Variants in FAT3 observed in about 807,000 individuals in gnomAD.
FAT3 encodes the protein FAT atypical cadherin 3.
A neutral mutation model predicts 310.2 loss-of-function variants in FAT3; 95 were observed. The ratio of observed to expected loss-of-function variants is 0.31; its 90% confidence interval spans 0.26 to 0.36. The LOEUF (loss-of-function observed/expected upper bound fraction) is 0.36. Ranked by LOEUF, FAT3 falls within the 10% of genes least tolerant of loss-of-function variation. FAT3 has a pLI of 1.00. For missense variants in FAT3, 5,408 were observed against 5,715.6 expected, an observed-to-expected ratio of 0.95 and a Z score of 1.74; for synonymous variants, 2,314 against 2,192.9, an observed-to-expected ratio of 1.06 and a Z score of -1.54.
intron 3 of FAT3, among the ~76,000 whole-genome samples, chr11:92,630,888 T>G (rs1026997608): frequency 3.9e-5 from 6 of 152,170 alleles, no homozygotes; most frequent in Non-Finnish European, 7.3e-5. Flanking sequence ...GCATTCATGG[T>G]AGGTGATCAA....
chr11:92,762,204 T>TG (rs754994808), intron 5 of FAT3, 34 bp downstream of exon 5: 1 of 1,563,578 alleles, frequency 6.4e-7, no homozygotes, highest in Non-Finnish European at 8.7e-7. Context: ...GCACAGCAGA[T>TG]GGGGGGAAGT....
At chr11:92,818,686 G>A (rs1047702503) in intron 13 of FAT3, among the ~76,000 whole-genome samples, 16 of 152,138 alleles carry the variant, frequency 1.1e-4, no homozygotes, top group Admixed American at 2.0e-4. Flanking sequence ...CAGCTTCTCC[G>A]AGCCTTTAGT....
intron 2 of FAT3, among the ~76,000 whole-genome samples, chr11:92,403,759 G>T (rs902117196): frequency 1.3e-5 from 2 of 152,108 alleles, no homozygotes; most frequent in Non-Finnish European, 2.9e-5. Context: ...TATGGGGGCC[G>T]GGTGCAGTGG....
chr11:92,342,076 C>CT (rs1171647827), intron 1 of FAT3, among the ~76,000 whole-genome samples: 1 of 152,160 alleles, frequency 6.6e-6, no homozygotes, highest in African/African-American at 2.4e-5. Flanking sequence ...AAACCACCTG[C>CT]TTGAGCCTGT....
At chr11:92,838,491 C>A (rs991254266) in intron 17 of FAT3, among the ~76,000 whole-genome samples, 2 of 152,138 alleles carry the variant, frequency 1.3e-5, no homozygotes, top group Non-Finnish European at 2.9e-5. Context: ...TACTGAGCGT[C>A]CTCTACTTCT....
Position 92,831,767 on chromosome 11 carries a change from C to A in FAT3, c.9627C>A (p.Asp3209Glu). Reference protein sequence around the residue: ...SSYNISVRATDQSPGQSLSSL... With the variant: ...SSYNISVRATEQSPGQSLSSL... ...ACAACATCAGCGTGCGGGCCACTGA[C>A]CAGAGTCCTGGACAGTCCCTGTCCT... is the stretch of plus-strand genomic sequence containing the variant. The change falls in exon 14 of 28, where the codon GAC (aspartate) becomes GAA (glutamate). Residue 3209 changes from aspartate to glutamate, a missense_variant. Physicochemically the swap from Asp to Glu is conservative, Grantham distance 45 (BLOSUM62 2). This residue lies in a region of FAT3 where 4,588 missense variants were observed against 4,809.8 expected (regional missense o/e 0.95). Transcript: ENST00000525166. The A allele has an allele frequency of 6.2e-7, 1 of 1,613,620 alleles. No homozygotes were observed. The highest frequency in any genetic ancestry group is 8.5e-7 in the Non-Finnish European group (1 of 1,179,778).
At chr11:92,253,371 C>T (rs1251322237) in intron 1 of FAT3, among the ~76,000 whole-genome samples, 1 of 152,112 alleles carries the variant, frequency 6.6e-6, no homozygotes, top group Non-Finnish European at 1.5e-5. Flanking sequence ...TTCTGCTCCC[C>T]TTGCTCTTAC....
At chr11:92,727,991 A>T (rs1415451063) in intron 4 of FAT3, among the ~76,000 whole-genome samples, 1 of 152,072 alleles carries the variant, frequency 6.6e-6, no homozygotes, top group Non-Finnish European at 1.5e-5. Context: ...CATGCTGGCC[A>T]GTGGTGGCAC....
intron 3 of FAT3, among the ~76,000 whole-genome samples, chr11:92,566,734 T>C (rs1955465130): frequency 6.6e-6 from 1 of 151,802 alleles, no homozygotes; most frequent in Admixed American, 6.6e-5. Context: ...AATAACACCG[T>C]ATATGTACAA....
At position 92,800,259 on chromosome 11, in the gene FAT3, G is replaced by A. The variant is rs1368071749; in HGVS notation, c.7246G>A (p.Val2416Ile). 3.3e-5 allele frequency: 54 copies of A among 1,613,952 alleles called. No homozygotes were observed. The highest frequency in any genetic ancestry group is 4.5e-5 in the Non-Finnish European group (53 of 1,179,864). ...CCCCCGGGGCCATTTTGTAACCTGT[G>A]TACAAGCCTCTGATGCAGACAGCTC... ...LAPRGHFVTC[V>I]QASDADSSDF... Residue 2416 changes from valine (V) to isoleucine (I), a missense_variant, in exon 10 of 28, where the codon GTA becomes ATA. Transcript: ENST00000525166.
At chr11:92,598,465 G>A (rs994338884) in intron 3 of FAT3, among the ~76,000 whole-genome samples, 1 of 151,906 alleles carries the variant, frequency 6.6e-6, no homozygotes, top group African/African-American at 2.4e-5. Context: ...TCCCACCTTG[G>A]CCTCTCAAAG....
At chr11:92,685,763 G>T (rs1943618292) in intron 3 of FAT3, among the ~76,000 whole-genome samples, 1 of 151,988 alleles carries the variant, frequency 6.6e-6, no homozygotes, top group African/African-American at 2.4e-5. Flanking sequence ...AAATATGGTT[G>T]CCCTGGAGAA....
At chr11:92,278,574 C>G (rs1208511166) in intron 1 of FAT3, among the ~76,000 whole-genome samples, 2 of 151,802 alleles carry the variant, frequency 1.3e-5, no homozygotes, top group Non-Finnish European at 2.9e-5. Context: ...AATATGTATT[C>G]TTTATGAAGT....
At chr11:92,366,663 C>T (rs982488693) in intron 2 of FAT3, 1 of 534,894 alleles carries the variant, frequency 1.9e-6, no homozygotes, top group Admixed American at 1.9e-5. Context: ...AGACCTTCCA[C>T]ATGCTTGACA....
At chr11:92,874,964 A>G (rs1949494806) in intron 22 of FAT3, among the ~76,000 whole-genome samples, 1 of 152,152 alleles carries the variant, frequency 6.6e-6, no homozygotes. Context: ...AGTGATTTAA[A>G]AACACTAAAG....
At chr11:92,560,170 T>C (rs1955170653) in intron 3 of FAT3, among the ~76,000 whole-genome samples, 1 of 152,222 alleles carries the variant, frequency 6.6e-6, no homozygotes, top group Non-Finnish European at 1.5e-5. Flanking sequence ...TGGTATCTTA[T>C]TGTGATTTCG....
intron 4 of FAT3, among the ~76,000 whole-genome samples, chr11:92,744,103 A>G (rs780612895): frequency 1.9e-4 from 29 of 152,218 alleles, no homozygotes; most frequent in Non-Finnish European, 3.7e-4. Flanking sequence ...CTATGTCCCT[A>G]GTCAATGACT....
chr11:92,480,070 C>A (rs1952176210), intron 2 of FAT3, among the ~76,000 whole-genome samples: 1 of 152,034 alleles, frequency 6.6e-6, no homozygotes, highest in Non-Finnish European at 1.5e-5. Context: ...TCGAGACCAT[C>A]CTGGCTAACA....
chr11:92,883,436 G>A lies in FAT3; in HGVS notation c.12937+43G>A, dbSNP rs2136419569. 2 of 1,560,778 alleles carry A rather than the reference G, an allele frequency of 1.3e-6. No individual in the cohort carries two copies. Among genetic ancestry groups the A allele is most frequent in the South Asian group, 1.2e-5 (1 of 82,522 alleles). ...ATGCTCACCCCTCGGTGCTTACAGG[G>A]AACCTGCAGGGGCGCTGTGCGAGGA... On this transcript the variant is annotated intron_variant, in intron 24 of 27. Coordinates refer to ENST00000525166, the MANE Select transcript of FAT3 (RefSeq NM_001367949.2). This position sits in a 1 kb window ranked among gnomAD's most constrained non-coding sequence, Gnocchi z 4.2.
Sources: gnomAD v4.1 joint callset for allele counts (sites outside exome capture counted in the v4.1 genomes callset) on GRCh38, gnomAD v4.1.1 for gene constraint, gnomAD v4.1.1 regional missense constraint, Gnocchi (gnomAD v3.1) non-coding constraint, MANE v1.5 for transcripts, NCBI Gene and HGNC (gene_info 2026-07-23, HGNC 2026-07-21) for gene names.